Variants in PIKFYVE observed in about 807,000 individuals in gnomAD.
PIKFYVE encodes the protein phosphoinositide kinase, FYVE-type zinc finger containing, also known as 1-phosphatidylinositol 3-phosphate 5-kinase.
In PIKFYVE, 122 loss-of-function variants were observed where a neutral mutation model predicts 257.9. That is an observed-to-expected ratio of 0.47 (90% CI 0.41 to 0.55). The LOEUF is 0.55. PIKFYVE is among the 20% of genes least tolerant of loss of function. PIKFYVE has a pLI of 0.00. For synonymous variants in PIKFYVE, 892 were observed against 868.9 expected, an observed-to-expected ratio of 1.03 and a Z score of -0.47; for missense variants, 2,160 against 2,536.6, an observed-to-expected ratio of 0.85 and a Z score of 3.19.
chr2:208,354,612 G>A lies in PIKFYVE; in HGVS notation c.6148G>A (p.Val2050Ile). ...TFTWDKKLEM[V>I]VKSTGILGGQ... ...TACATGGGACAAAAAGCTTGAGATGGTTGTGAAATCAACAGGAATTTTAGG... is the reference window on the plus strand; with the variant it reads ...TACATGGGACAAAAAGCTTGAGATGATTGTGAAATCAACAGGAATTTTAGG... Residue 2050 changes from valine (V) to isoleucine (I), a missense_variant, in exon 41 of 42, where the codon GTT (valine) becomes ATT (isoleucine). Coordinates refer to ENST00000264380, the MANE Select transcript of PIKFYVE (RefSeq NM_015040.4). 1 of 1,613,566 alleles carries A rather than the reference G, an allele frequency of 6.2e-7. No individual in the cohort carries two copies. The highest frequency in any genetic ancestry group is 1.1e-5 in the South Asian group (1 of 91,072).
intron 3 of PIKFYVE, 129 bp downstream of exon 3, chr2:208,273,862 AGTC>A (rs1689747436): frequency 7.3e-7 from 1 of 1,369,850 alleles, no homozygotes; most frequent in African/African-American, 1.8e-5. Context: ...TATTTGAAAT[AGTC>A]AGGTACTGTT....
intron 8 of PIKFYVE, among the ~76,000 whole-genome samples, chr2:208,299,086 C>T (rs993513959): frequency 3.3e-5 from 5 of 152,100 alleles, no homozygotes; most frequent in East Asian, 3.9e-4. Context: ...GTGATCTGCC[C>T]GCCTTGGCTC....
chr2:208,279,020 A>G (rs1022072918), intron 5 of PIKFYVE, among the ~76,000 whole-genome samples: 1 of 152,190 alleles, frequency 6.6e-6, no homozygotes, highest in Non-Finnish European at 1.5e-5. Flanking sequence ...TTACATTCCC[A>G]TCAGCAGTGT....
chr2:208,310,993 A>G (rs1694875357), intron 12 of PIKFYVE, among the ~76,000 whole-genome samples: 1 of 152,192 alleles, frequency 6.6e-6, no homozygotes, highest in African/African-American at 2.4e-5. Flanking sequence ...CTGATGTCCT[A>G]GTGGTAAAGT....
At chr2:208,269,882 T>C in intron 1 of PIKFYVE, 1 of 298,870 alleles carries the variant, frequency 3.3e-6, no homozygotes, top group Non-Finnish European at 6.9e-6. Flanking sequence ...GAGGGGCCCA[T>C]GCTGCTGCTG....
chr2:208,325,504 A>T lies in PIKFYVE; in HGVS notation c.2693A>T (p.His898Leu). 1 of 1,614,200 alleles carries T rather than the reference A, an allele frequency of 6.2e-7. No homozygotes were observed. The highest frequency in any genetic ancestry group is 8.5e-7 in the Non-Finnish European group (1 of 1,180,024). The stretch of plus-strand genomic sequence containing the variant: ...CATTCCCTGATTGAGGGACGAGGGC[A>T]TGAGGGGGCTGTCCAAGAGCAGTAC... ...SFHSLIEGRGHEGAVQEQYGG... is the reference protein window; with the variant it reads ...SFHSLIEGRGLEGAVQEQYGG... Residue 898 changes from histidine to leucine, a missense_variant, in exon 20 of 42, where the codon CAT (histidine) becomes CTT (leucine). Coordinates refer to ENST00000264380, the MANE Select transcript of PIKFYVE (RefSeq NM_015040.4).
intron 5 of PIKFYVE, among the ~76,000 whole-genome samples, chr2:208,282,776 A>G (rs1475579240): frequency 2.0e-5 from 3 of 152,192 alleles, no homozygotes; most frequent in African/African-American, 7.2e-5. Context: ...GTGGTCTCCA[A>G]CCTTTTTGGC....
At chr2:208,277,939 A>G (rs1339334174) in intron 5 of PIKFYVE, among the ~76,000 whole-genome samples, 2 of 152,226 alleles carry the variant, frequency 1.3e-5, no homozygotes, top group African/African-American at 4.8e-5. Context: ...AGATGCTAGC[A>G]AAAAACTATA....
chr2:208,288,825 T>TGACAAATGAAAACA lies in PIKFYVE; in HGVS notation c.911+8_911+21dup. 2.5e-6 allele frequency: 4 copies of TGACAAATGAAAACA among 1,613,806 alleles called. No individual in the cohort carries two copies. Among genetic ancestry groups the TGACAAATGAAAACA allele is most frequent in the African/African-American group, 1.3e-5 (1 of 75,060 alleles). On this transcript the variant is annotated splice_region_variant and intron_variant, in intron 7 of 41. Coordinates refer to ENST00000264380, the MANE Select transcript of PIKFYVE (RefSeq NM_015040.4). ...AATCTCCTGCTCGAAATAGGTAAAC[T>TGACAAATGAAAACA]GACAAATGAAAACACTGTGCTCTCT...
chr2:208,269,559 T>TGCCTGGA (rs1689137202), intron 1 of PIKFYVE: 1 of 283,292 alleles, frequency 3.5e-6, no homozygotes, highest in Admixed American at 3.9e-5. Flanking sequence ...TCTTGGCTGC[T>TGCCTGGA]GCCTGGAGCA....
chr2:208,285,158 C>T (rs1379191846), intron 5 of PIKFYVE, among the ~76,000 whole-genome samples: 6 of 152,250 alleles, frequency 3.9e-5, no homozygotes, highest in South Asian at 2.1e-4. Context: ...TGCAATGGCA[C>T]AGTCTTGGCT....
chr2:208,348,719 T>C (rs796287842), intron 35 of PIKFYVE, among the ~76,000 whole-genome samples: 3 of 152,106 alleles, frequency 2.0e-5, no homozygotes, highest in African/African-American at 7.2e-5. Context: ...TTAACGTTTA[T>C]TGGGAAACAG....
At chr2:208,293,618 C>T (rs1900239) in intron 7 of PIKFYVE, among the ~76,000 whole-genome samples, 108,537 of 151,638 alleles carry the variant, frequency 0.72, 42,334 homozygotes, top group East Asian at 0.93. Context: ...TTTTTGCTTG[C>T]GTGGCTTCTG....
intron 12 of PIKFYVE, 116 bp from the exon 13 acceptor site, chr2:208,312,120 G>C (rs1409586444): frequency 1.2e-6 from 1 of 805,826 alleles, no homozygotes; most frequent in Non-Finnish European, 2.1e-6. Context: ...GCAGTGATGG[G>C]TTTAGTATGA....
chr2:208,271,622 C>A lies in PIKFYVE; in HGVS notation c.103C>A (p.Pro35Thr). 6.2e-7 allele frequency: 1 copy of A among 1,614,098 alleles called. No homozygotes were observed. Among genetic ancestry groups the A allele is most frequent in the Non-Finnish European group, 8.5e-7 (1 of 1,179,956 alleles). Residue 35 changes from proline to threonine, a missense_variant, in exon 2 of 42, where the codon CCT becomes ACT. Around this residue, in one of 12 missense-constraint regions of PIKFYVE, gnomAD observed 172 missense variants for 180.6 expected, o/e 0.95. Coordinates refer to ENST00000264380, the MANE Select transcript of PIKFYVE (RefSeq NM_015040.4). ...SHLTHFKPLT[P>T]DQDEPPFKSA... ...TCTCACACACTTTAAACCTTTGACT[C>A]CTGATCAAGATGAGCCCCCTTTTAA...
chr2:208,310,802 T>C (rs1346709955), intron 12 of PIKFYVE, among the ~76,000 whole-genome samples: 2 of 152,194 alleles, frequency 1.3e-5, no homozygotes, highest in African/African-American at 4.8e-5. Flanking sequence ...AAATGCCATG[T>C]GTGAACTTGA....
At chr2:208,317,810 A>G in intron 15 of PIKFYVE, 57 bp from the exon 16 acceptor site, 1 of 1,444,784 alleles carries the variant, frequency 6.9e-7, no homozygotes, top group Non-Finnish European at 9.7e-7. Flanking sequence ...CGTACATCTA[A>G]CTAGATTCTA....
chr2:208,338,583 C>A lies in PIKFYVE; in HGVS notation c.4672+15C>A, dbSNP rs202031712. The A allele has an allele frequency of 6.2e-7, 1 of 1,605,892 alleles. No homozygotes were observed. On this transcript the variant is annotated intron_variant, in intron 29 of 41. Transcript: ENST00000264380. ...TGGAGAAAAAGGTTGGTTCTTGAGTCTGGTGATCACTTGCCGTAGGATTTA... is the reference window on the plus strand; with the variant it reads ...TGGAGAAAAAGGTTGGTTCTTGAGTATGGTGATCACTTGCCGTAGGATTTA...
rs765598840 is a variant in PIKFYVE, at chr2:208,328,294, C to T, written c.3719+14C>T. 1 of 1,613,308 alleles carries T rather than the reference C, an allele frequency of 6.2e-7. No homozygotes were observed. Among genetic ancestry groups the T allele is most frequent in the Non-Finnish European group, 8.5e-7 (1 of 1,179,632 alleles). On this transcript the variant is annotated intron_variant, in intron 21 of 41. Coordinates refer to ENST00000264380, the MANE Select transcript of PIKFYVE (RefSeq NM_015040.4). ...TGTCAGTCCTTGGTAGGATTCTTTT[C>T]CCCCTACACTATTCCACATAAGAAC...
Sources: gnomAD v4.1 joint callset for allele counts (sites outside exome capture counted in the v4.1 genomes callset) on GRCh38, gnomAD v4.1.1 for gene constraint, gnomAD v4.1.1 regional missense constraint, MANE v1.5 for transcripts, NCBI Gene and HGNC (gene_info 2026-07-23, HGNC 2026-07-21) for gene names.